FGF13: variants seen among roughly 807,000 people sequenced by gnomAD.
FGF13 encodes fibroblast growth factor homologous factor 2.
In FGF13, 2 loss-of-function variants were observed where a neutral mutation model predicts 19.5. That is an observed-to-expected ratio of 0.10 (90% CI 0.04 to 0.32). FGF13 has a LOEUF of 0.32. FGF13 is among the 10% of genes least tolerant of loss of function. The pLI is 1.00. For missense variants in FGF13, 113 were observed against 192.7 expected (o/e 0.59, Z 2.45); for synonymous variants, 72 against 76.9 (o/e 0.94, Z 0.33).
chrX:138,889,601 C>A, intron 1 of FGF13, among the ~76,000 whole-genome samples: 1 of 111,914 alleles, frequency 8.9e-6, no homozygotes, highest in Non-Finnish European at 1.9e-5. Flanking sequence ...GTGGCTTTCA[C>A]AACCCATCCC....
intron 1 of FGF13, among the ~76,000 whole-genome samples, chrX:139,196,640 C>T (rs1276328294): frequency 1.8e-5 from 2 of 111,758 alleles, no homozygotes; most frequent in Admixed American, 9.5e-5. Context: ...AGCTGTGCTG[C>T]CTAGGAAGGG....
intron 1 of FGF13, among the ~76,000 whole-genome samples, chrX:138,733,051 A>T (rs1163590986): frequency 8.9e-6 from 1 of 112,042 alleles, no homozygotes; most frequent in Non-Finnish European, 1.9e-5. Context: ...ATTTTCCCAT[A>T]TAGAAATAAT....
intron 1 of FGF13, among the ~76,000 whole-genome samples, chrX:138,983,937 A>G (rs971756299): frequency 2.7e-5 from 3 of 111,774 alleles, no homozygotes; most frequent in African/African-American, 9.8e-5. Flanking sequence ...CATTTTGCCT[A>G]TAGTTATCAA....
chrX:139,168,430 CCCTA>C (rs1460691108), intron 1 of FGF13, among the ~76,000 whole-genome samples: 1 of 111,475 alleles, frequency 9.0e-6, no homozygotes, highest in Non-Finnish European at 1.9e-5. Flanking sequence ...TTTATTACTT[CCCTA>C]CCTTATGTAT....
chrX:138,700,194 T>G (rs2089933042), intron 3 of FGF13, among the ~76,000 whole-genome samples: 1 of 111,446 alleles, frequency 9.0e-6, no homozygotes, highest in African/African-American at 3.3e-5. Flanking sequence ...CCATTCCCAC[T>G]GCAACTGCTT....
At chrX:138,868,819 A>G (rs1286095315) in intron 1 of FGF13, among the ~76,000 whole-genome samples, 3 of 110,361 alleles carry the variant, frequency 2.7e-5, no homozygotes, top group Non-Finnish European at 5.7e-5. Flanking sequence ...CTCTGATCCA[A>G]ATTTCATGGG....
chrX:139,077,939 T>G (rs1352213402), intron 1 of FGF13, among the ~76,000 whole-genome samples: 1 of 111,595 alleles, frequency 9.0e-6, no homozygotes, highest in African/African-American at 3.3e-5. Flanking sequence ...TAGCAAGTGA[T>G]GGAATCAGGA....
rs2092053485 is a variant in FGF13 at position 138,998,352 on chromosome X, C to T, written c.-112-133702G>A. ...ATAACAATATTAACTTGAAATGTCC[C>T]AATTAAAATGCCCCAATTAAAAGAC... On this transcript the variant is annotated intron_variant, in intron 1 of 2. Transcript: ENST00000421460. Among the ~76,000 whole-genome samples, 4 of 110,830 alleles carry T rather than the reference C, an allele frequency of 3.6e-5. No homozygotes were observed. In the Admixed American group the frequency reaches 3.9e-4, roughly 11 times the overall value.
At chrX:138,700,573 T>C (rs2124229927) in intron 3 of FGF13, among the ~76,000 whole-genome samples, 1 of 111,438 alleles carries the variant, frequency 9.0e-6, no homozygotes, top group African/African-American at 3.3e-5. Flanking sequence ...CTGAGGATGG[T>C]GATCAACTTG....
downstream of FGF13, among the ~76,000 whole-genome samples, chrX:138,853,941 T>C (rs1487770327): frequency 9.0e-6 from 1 of 111,690 alleles, no homozygotes; most frequent in Admixed American, 9.5e-5. Flanking sequence ...ATGACAACTA[T>C]GCTAATATTA....
At chrX:139,173,973 C>A (rs2084155996) in intron 1 of FGF13, among the ~76,000 whole-genome samples, 1 of 112,147 alleles carries the variant, frequency 8.9e-6, no homozygotes, top group South Asian at 3.7e-4. Flanking sequence ...TGAGGAATCA[C>A]CACACTGTCT....
At chrX:139,194,717 G>C (rs749051325) in intron 1 of FGF13, among the ~76,000 whole-genome samples, 55 of 111,564 alleles carry the variant, frequency 4.9e-4, no homozygotes, top group African/African-American at 1.7e-3. Context: ...CACCACCAGC[G>C]CTGCTCTGAC....
At chrX:138,959,100 T>C (rs1423919069) in intron 1 of FGF13, among the ~76,000 whole-genome samples, 3 of 111,882 alleles carry the variant, frequency 2.7e-5, no homozygotes, top group African/African-American at 9.8e-5. Context: ...TCTAGCTCTT[T>C]TAATTGTGAT....
intron 3 of FGF13, among the ~76,000 whole-genome samples, chrX:138,821,416 T>C (rs1419654787): frequency 8.9e-6 from 1 of 111,949 alleles, no homozygotes; most frequent in Non-Finnish European, 1.9e-5. Context: ...CTGGAACGAC[T>C]TGGGCAATGT....
chrX:138,665,991 C>A (rs2124160649), intron 3 of FGF13, among the ~76,000 whole-genome samples: 1 of 111,596 alleles, frequency 9.0e-6, no homozygotes, highest in African/African-American at 3.2e-5. Flanking sequence ...GAAGTGAAAC[C>A]ATTCCCAGTG....
At chrX:139,198,190 AG>A (rs1796496197) in intron 1 of FGF13, among the ~76,000 whole-genome samples, 1 of 110,840 alleles carries the variant, frequency 9.0e-6, no homozygotes, top group Non-Finnish European at 1.9e-5. Flanking sequence ...ATGTTACTAC[AG>A]GTAAATTTCA....
intron 1 of FGF13, among the ~76,000 whole-genome samples, chrX:139,044,620 C>T (rs2092280967): frequency 1.8e-5 from 2 of 111,046 alleles, no homozygotes; most frequent in East Asian, 2.8e-4. Context: ...TCATGCCTTC[C>T]GAACAGTCCC....
intron 3 of FGF13, among the ~76,000 whole-genome samples, chrX:138,797,899 T>C (rs1220250612): frequency 2.7e-5 from 3 of 112,202 alleles, no homozygotes; most frequent in Non-Finnish European, 3.8e-5. Context: ...TTGTGATTTT[T>C]GCACATTGAT....
In FGF13 at chrX:138,796,890, C is replaced by G. The variant is rs2090783110; in HGVS notation, c.217+60622G>C. Among the ~76,000 whole-genome samples the G allele has an allele frequency of 4.5e-5, 5 of 111,422 alleles. No individual in the cohort carries two copies. In the South Asian group the frequency reaches 1.9e-3, roughly 42 times the overall value. On this transcript the variant is annotated intron_variant, in intron 3 of 6. Transcript: ENST00000436198. ...AATTGTCTGTTCATTTACGTTGCCC[C>G]CTTTATGATGGGGTTGTTTTTTTCT...
Sources: allele counts gnomAD v4.1 joint callset (sites outside exome capture counted in the v4.1 genomes callset), GRCh38; gene constraint gnomAD v4.1.1; transcripts MANE v1.5; gene names NCBI Gene and HGNC (gene_info 2026-07-23, HGNC 2026-07-21).